Variants in RGS7 observed in about 807,000 individuals in gnomAD.
RGS7 encodes the protein regulator of G-protein signaling 7.
In RGS7, 27 loss-of-function variants were observed where a neutral mutation model predicts 81.1. The ratio of observed to expected loss-of-function variants is 0.33; its 90% confidence interval spans 0.25 to 0.46. The LOEUF (loss-of-function observed/expected upper bound fraction) is 0.46, where lower values mean the gene tolerates loss of function less well. RGS7 is among the 20% of genes least tolerant of loss of function. The pLI is 1.00. For synonymous variants in RGS7, 208 were observed against 207.7 expected (o/e 1.00, Z -0.01); for missense variants, 396 against 607.4 (o/e 0.65, Z 3.66).
At chr1:241,063,829 T>G (rs559418087) in intron 3 of RGS7, among the ~76,000 whole-genome samples, 6 of 152,246 alleles carry the variant, frequency 3.9e-5, no homozygotes, top group Admixed American at 1.3e-4. Flanking sequence ...CAAGTAAAAT[T>G]TACCTGTATT....
intron 10 of RGS7, 43 bp downstream of exon 10, chr1:240,827,055 T>C: frequency 2.7e-6 from 4 of 1,474,026 alleles, no homozygotes; most frequent in Non-Finnish European, 3.8e-6. Flanking sequence ...CTGTAAACAA[T>C]GCAATCCATC....
intron 18 of RGS7, among the ~76,000 whole-genome samples, chr1:240,798,291 G>C (rs912386592): frequency 2.6e-5 from 4 of 152,050 alleles, no homozygotes; most frequent in Non-Finnish European, 5.9e-5. Flanking sequence ...TATGAATCTG[G>C]GTAACTAACA....
At chr1:241,008,853 A>G (rs1305274079) in intron 3 of RGS7, among the ~76,000 whole-genome samples, 1 of 149,614 alleles carries the variant, frequency 6.7e-6, no homozygotes, top group East Asian at 2.0e-4. Flanking sequence ...CAGAGGTTAC[A>G]GTGAGCCGAG....
At chr1:241,169,723 G>A (rs1475755671) in intron 2 of RGS7, among the ~76,000 whole-genome samples, 1 of 152,100 alleles carries the variant, frequency 6.6e-6, no homozygotes, top group Non-Finnish European at 1.5e-5. Context: ...ATAAGATGAG[G>A]TCATTTCTTA....
chr1:241,226,469 T>A (rs1057135957), intron 2 of RGS7, among the ~76,000 whole-genome samples: 2 of 152,164 alleles, frequency 1.3e-5, no homozygotes, highest in Non-Finnish European at 2.9e-5. Context: ...GTACTACACA[T>A]TCTTCCTTCA....
chr1:240,911,906 C>T (rs1671813370), intron 6 of RGS7, among the ~76,000 whole-genome samples: 1 of 151,224 alleles, frequency 6.6e-6, no homozygotes, highest in Non-Finnish European at 1.5e-5. Context: ...CTTTGGGAGG[C>T]TGAGGTGGGC....
chr1:240,775,937 C>T lies in RGS7; in HGVS notation c.*283G>A, dbSNP rs1020322089. 4 of 534,754 alleles carry T rather than the reference C, an allele frequency of 7.5e-6. No individual in the cohort carries two copies. The highest frequency in any genetic ancestry group is 1.4e-5 in the Non-Finnish European group (4 of 293,812). The allele number at this position is 534,754 out of a possible 1,614,324, so 33.1% of individuals were successfully genotyped here. A position where few individuals can be genotyped will look rare whatever the true frequency, so the allele number is the denominator to read the frequency against. On this transcript the variant is annotated 3_prime_UTR_variant, in exon 19 of 19. Coordinates refer to ENST00000440928, the MANE Select transcript of RGS7 (RefSeq NM_001364886.1). Reference sequence around the variant, plus strand: ...CTTGAACTTGTTAAAAAGGAAGAGACACAGATCCAGCATAGTAGAAGGAGA... The same window carrying T: ...CTTGAACTTGTTAAAAAGGAAGAGATACAGATCCAGCATAGTAGAAGGAGA...
chr1:241,166,439 C>T (rs1353505097), intron 2 of RGS7, among the ~76,000 whole-genome samples: 1 of 152,040 alleles, frequency 6.6e-6, no homozygotes, highest in Non-Finnish European at 1.5e-5. Flanking sequence ...AAAGGATGAC[C>T]CTGACGGACA....
chr1:240,914,950 G>C (rs1276054281), intron 6 of RGS7, among the ~76,000 whole-genome samples: 2 of 152,192 alleles, frequency 1.3e-5, no homozygotes, highest in Admixed American at 1.3e-4. Flanking sequence ...CTGATTAGTT[G>C]TTCGAGGCTC....
intron 4 of RGS7, among the ~76,000 whole-genome samples, chr1:240,982,577 A>G (rs1391417505): frequency 2.6e-5 from 4 of 152,188 alleles, no homozygotes; most frequent in African/African-American, 7.2e-5. Flanking sequence ...AACATGGTGA[A>G]CAGGTTTATG....
chr1:241,232,571 G>C (rs139807212), intron 2 of RGS7, among the ~76,000 whole-genome samples: 30 of 151,988 alleles, frequency 2.0e-4, no homozygotes, highest in Admixed American at 7.9e-4. Context: ...ATTTTGAAAT[G>C]AGTGGTGTAA....
intron 2 of RGS7, among the ~76,000 whole-genome samples, chr1:241,190,404 G>A (rs557646859): frequency 3.9e-5 from 6 of 152,100 alleles, no homozygotes; most frequent in African/African-American, 1.4e-4. Flanking sequence ...CTGTATGTCA[G>A]TTTGTGAAGA....
rs142137527 is a variant in RGS7 at position 241,106,021 on chromosome 1, G to C, written c.79-7259C>G. 7.9e-3 allele frequency among the ~76,000 whole-genome samples: 1,210 copies of C among 152,306 alleles called. 5 individuals carry two copies. Among genetic ancestry groups the C allele is most frequent in the Middle Eastern group, 0.031 (9 of 294 alleles). ...GCTTCTTGGATTTCTTGGGCAGTTA[G>C]GTGGTGGCAGGTTTTCATAATTTAA... is the stretch of plus-strand genomic sequence containing the variant. On this transcript the variant is annotated intron_variant, in intron 2 of 18. Coordinates refer to ENST00000440928, the MANE Select transcript of RGS7 (RefSeq NM_001364886.1).
chr1:241,227,570 CAAAAAA>C (rs5782179), intron 2 of RGS7, among the ~76,000 whole-genome samples: 7 of 103,726 alleles, frequency 6.7e-5, no homozygotes, highest in South Asian at 6.7e-4. Flanking sequence ...CTGTCTCTAC[CAAAAAA>C]AAAAAAAAAA....
chr1:241,188,312 C>A (rs970729498), intron 2 of RGS7, among the ~76,000 whole-genome samples: 5 of 100,212 alleles, frequency 5.0e-5, no homozygotes, highest in African/African-American at 8.3e-5. Context: ...CACACACACA[C>A]AAAAAGAGAC....
In RGS7 at chr1:241,118,042, A is replaced by C. The variant is rs1168831709; in HGVS notation, c.79-19280T>G. ...AACATACATAGATTTAATTGAAACAAAAGTTTTACAAAACAATAGCTATTC... is the reference window on the plus strand; with the variant it reads ...AACATACATAGATTTAATTGAAACACAAGTTTTACAAAACAATAGCTATTC... On this transcript the variant is annotated intron_variant, in intron 2 of 18. Coordinates refer to ENST00000440928, the MANE Select transcript of RGS7 (RefSeq NM_001364886.1). Among the ~76,000 whole-genome samples the C allele has an allele frequency of 2.0e-5, 3 of 152,336 alleles. No individual in the cohort carries two copies. The South Asian group carries it at 6.2e-4, about 32-fold the overall frequency.
chr1:241,095,363 A>G (rs377417225), intron 3 of RGS7, among the ~76,000 whole-genome samples: 19 of 152,206 alleles, frequency 1.2e-4, no homozygotes, highest in African/African-American at 4.3e-4. Context: ...CAAATAATAT[A>G]TGATGGCTGG....
At chr1:241,237,759 TCGAG>T (rs1418916931) in intron 2 of RGS7, among the ~76,000 whole-genome samples, 1 of 152,148 alleles carries the variant, frequency 6.6e-6, no homozygotes, top group Non-Finnish European at 1.5e-5. Context: ...AATATTGCCT[TCGAG>T]GAAAGGTTAG....
intron 2 of RGS7, among the ~76,000 whole-genome samples, chr1:241,266,330 C>G (rs1235573898): frequency 2.0e-5 from 3 of 152,196 alleles, no homozygotes; most frequent in African/African-American, 7.2e-5. Context: ...ATGTGTAGCT[C>G]TGGCATCATG....
Sources: allele counts gnomAD v4.1 joint callset (sites outside exome capture counted in the v4.1 genomes callset), GRCh38; gene constraint gnomAD v4.1.1; transcripts MANE v1.5; gene names NCBI Gene and HGNC (gene_info 2026-07-23, HGNC 2026-07-21).